FER: variants seen among roughly 807,000 people sequenced by gnomAD.
The protein encoded by FER is tyrosine-protein kinase Fer.
Under a neutral mutation model 111.0 loss-of-function variants are expected in FER, and 63 were observed. The observed-to-expected ratio is 0.57, with a 90% confidence interval of 0.46 to 0.70. The LOEUF (loss-of-function observed/expected upper bound fraction) is 0.70. Among genes scored for constraint, FER ranks in the 30% least tolerant of loss-of-function variants. FER has a pLI of 0.00. For synonymous variants in FER, 327 were observed against 313.9 expected (o/e 1.04, Z -0.44); for missense variants, 914 against 954.0 (o/e 0.96, Z 0.55).
chr5:108,757,655 CG>C (rs1255849830), intron 1 of FER, among the ~76,000 whole-genome samples: 2 of 152,140 alleles, frequency 1.3e-5, no homozygotes, highest in Non-Finnish European at 2.9e-5. Context: ...AGGAATCTTA[CG>C]TTCATAAATC....
At chr5:108,925,418 T>A (rs977236473) in intron 10 of FER, among the ~76,000 whole-genome samples, 1 of 152,088 alleles carries the variant, frequency 6.6e-6, no homozygotes, top group African/African-American at 2.4e-5. Context: ...GAACTTGGAA[T>A]ACACTAATTC....
intron 17 of FER, among the ~76,000 whole-genome samples, chr5:109,165,947 G>T (rs1756510567): frequency 6.6e-6 from 1 of 152,028 alleles, no homozygotes; most frequent in African/African-American, 2.4e-5. Flanking sequence ...TGGAGTTATG[G>T]CAGGACCACA....
chr5:108,954,459 A>C (rs980115929), intron 11 of FER, among the ~76,000 whole-genome samples: 4 of 152,084 alleles, frequency 2.6e-5, no homozygotes, highest in African/African-American at 9.7e-5. Flanking sequence ...ATTTTAGGAC[A>C]TGGTGAATAA....
chr5:108,886,757 C>T (rs755574316), intron 9 of FER, among the ~76,000 whole-genome samples: 27 of 151,452 alleles, frequency 1.8e-4, no homozygotes, highest in Non-Finnish European at 7.4e-5. Context: ...TCTTGTTAAC[C>T]TTTGTTACCA....
At chr5:109,019,928 G>T (rs898176843) in intron 13 of FER, among the ~76,000 whole-genome samples, 4 of 151,842 alleles carry the variant, frequency 2.6e-5, no homozygotes, top group Non-Finnish European at 5.9e-5. Flanking sequence ...GAAAAAAATT[G>T]TAGCAGTGCT....
chr5:108,751,608 A>G (rs549219810), intron 1 of FER, among the ~76,000 whole-genome samples: 1 of 152,336 alleles, frequency 6.6e-6, no homozygotes, highest in East Asian at 1.9e-4. Flanking sequence ...TGGTAACTTG[A>G]TAAATTGGGT....
chr5:109,173,988 G>C (rs1038935288), intron 17 of FER, among the ~76,000 whole-genome samples: 1 of 152,140 alleles, frequency 6.6e-6, no homozygotes, highest in Non-Finnish European at 1.5e-5. Flanking sequence ...CGGGACTTCT[G>C]TTTTCATCCT....
At chr5:108,875,342 A>G (rs557998636) in intron 8 of FER, among the ~76,000 whole-genome samples, 116 of 152,160 alleles carry the variant, frequency 7.6e-4, no homozygotes, top group African/African-American at 2.7e-3. Flanking sequence ...CTTTCTTTGT[A>G]TCTATTATAT....
chr5:108,811,459 G>A (rs1757750588), intron 3 of FER, among the ~76,000 whole-genome samples: 1 of 152,170 alleles, frequency 6.6e-6, no homozygotes, highest in African/African-American at 2.4e-5. Flanking sequence ...TCATGGCCCA[G>A]AAAATAGTTT....
chr5:108,758,599 C>G (rs80146854), intron 1 of FER, among the ~76,000 whole-genome samples: 1 of 152,248 alleles, frequency 6.6e-6, no homozygotes, highest in East Asian at 1.9e-4. Flanking sequence ...TTCCTTAGTT[C>G]TAGCAAAAGT....
chr5:109,036,196 T>G lies in FER; in HGVS notation c.1657-1226T>G, dbSNP rs577799394. On this transcript the variant is annotated intron_variant, in intron 13 of 19. Coordinates refer to ENST00000281092, the MANE Select transcript of FER (RefSeq NM_005246.4). ...TTCTTTTTTATAGTTAGTGTTTTTTTGTGCTTCTCTAAGAAACCTTCACTT... is the reference window on the plus strand; with the variant it reads ...TTCTTTTTTATAGTTAGTGTTTTTTGGTGCTTCTCTAAGAAACCTTCACTT... Among the ~76,000 whole-genome samples, 26 of 152,298 alleles carry G rather than the reference T, an allele frequency of 1.7e-4. No individual in the cohort carries two copies. The South Asian group carries it at 5.2e-3, about 30-fold the overall frequency.
chr5:108,805,330 T>TCCCCAG (rs1757090747), intron 3 of FER, among the ~76,000 whole-genome samples: 2 of 152,210 alleles, frequency 1.3e-5, no homozygotes, highest in Non-Finnish European at 2.9e-5. Flanking sequence ...GAACTGTAAG[T>TCCCCAG]TCAGTTAAAT....
At chr5:109,138,627 C>T (rs1042724034) in intron 17 of FER, among the ~76,000 whole-genome samples, 1 of 152,124 alleles carries the variant, frequency 6.6e-6, no homozygotes, top group African/African-American at 2.4e-5. Flanking sequence ...AATGTTATTG[C>T]CTCAAAAATT....
chr5:108,950,014 G>A (rs1037033879), intron 11 of FER, among the ~76,000 whole-genome samples: 4 of 151,790 alleles, frequency 2.6e-5, no homozygotes, highest in Non-Finnish European at 5.9e-5. Flanking sequence ...AAAAGAAGCC[G>A]GCAAAAAAGA....
In FER at chr5:109,191,765, CTA is replaced by C. The variant is rs1258054109; in HGVS notation, c.*4192_*4193del. Reference sequence around the variant, plus strand: ...AAATATTTTAATTTCATTTATTTTTCTATGTTTTGATTAGTTTCACATCAAGT... The same window carrying C: ...AAATATTTTAATTTCATTTATTTTTCTGTTTTGATTAGTTTCACATCAAGT... On this transcript the variant is annotated 3_prime_UTR_variant, in exon 20 of 20. Transcript: ENST00000281092. The C allele has an allele frequency of 6.6e-6, 1 of 151,954 alleles. No individual in the cohort carries two copies. Among genetic ancestry groups the C allele is most frequent in the East Asian group, 1.9e-4 (1 of 5,190 alleles). The allele number at this position is 151,954 out of a possible 1,614,324, so 9.4% of individuals were successfully genotyped here. A position where few individuals can be genotyped will look rare whatever the true frequency, so the allele number is the denominator to read the frequency against.
intron 13 of FER, among the ~76,000 whole-genome samples, chr5:109,023,833 A>G (rs1026763129): frequency 6.6e-6 from 1 of 152,168 alleles, no homozygotes; most frequent in Non-Finnish European, 1.5e-5. Flanking sequence ...TTTGCTTAAA[A>G]GGAAAGACAA....
In FER at chr5:108,932,834, G is replaced by A. The variant is rs1281883271; in HGVS notation, c.1237-13296G>A. Among the ~76,000 whole-genome samples the A allele has an allele frequency of 4.0e-5, 6 of 149,130 alleles. 1 individual carries two copies. The highest frequency in any genetic ancestry group is 1.5e-4 in the African/African-American group (6 of 40,546). ...ACATAAATGTCTTCTTTTGAGAAGTGCCTGTTCATATCCTTTGCCCACTTT... is the reference window on the plus strand; with the variant it reads ...ACATAAATGTCTTCTTTTGAGAAGTACCTGTTCATATCCTTTGCCCACTTT... On this transcript the variant is annotated intron_variant, in intron 10 of 19. Transcript: ENST00000281092.
At chr5:108,902,696 A>C (rs544064963) in intron 10 of FER, among the ~76,000 whole-genome samples, 4 of 152,282 alleles carry the variant, frequency 2.6e-5, no homozygotes, top group African/African-American at 9.6e-5. Context: ...ATGACAGATT[A>C]AATGTCTAAT....
intron 10 of FER, among the ~76,000 whole-genome samples, chr5:108,935,693 A>G (rs868171313): frequency 2.0e-5 from 3 of 152,082 alleles, no homozygotes; most frequent in Admixed American, 6.6e-5. Context: ...CTTTTATTCA[A>G]GTAATTTTTT....
Sources: allele counts gnomAD v4.1 joint callset (sites outside exome capture counted in the v4.1 genomes callset), GRCh38; gene constraint gnomAD v4.1.1; transcripts MANE v1.5; gene names NCBI Gene and HGNC (gene_info 2026-07-23, HGNC 2026-07-21).